The following BTBD8 variants were observed in gnomAD, a reference collection of about 807,000 sequenced individuals.
BTBD8 encodes the protein BTB/POZ domain-containing protein 8.
A neutral mutation model predicts 162.9 loss-of-function variants in BTBD8; 110 were observed. The observed-to-expected ratio is 0.68, with a 90% confidence interval of 0.58 to 0.79. The LOEUF (loss-of-function observed/expected upper bound fraction) is 0.79, where lower values mean the gene tolerates loss of function less well. BTBD8 is among the 30% of genes least tolerant of loss of function. The pLI, the probability that BTBD8 is intolerant of heterozygous loss-of-function variation, is 0.00. For missense variants in BTBD8, 1,905 were observed against 2,085.4 expected (o/e 0.91, Z 1.68); for synonymous variants, 667 against 716.1 (o/e 0.93, Z 1.10).
chr1:92,138,511 G>A (rs1262398680), intron 5 of BTBD8, among the ~76,000 whole-genome samples: 1 of 152,214 alleles, frequency 6.6e-6, no homozygotes, highest in Non-Finnish European at 1.5e-5. Flanking sequence ...CAGCTCACCT[G>A]AGAGAAAGTT....
intron 4 of BTBD8, among the ~76,000 whole-genome samples, chr1:92,120,349 G>C (rs528274025): frequency 6.6e-6 from 1 of 152,228 alleles, no homozygotes; most frequent in South Asian, 2.1e-4. Flanking sequence ...GAAGGTCTTC[G>C]GGGCAGTAAC....
In BTBD8 at chr1:92,180,626, T is replaced by A. The variant is rs1650857365; in HGVS notation, c.2943T>A (p.Ser981Arg). The change falls in exon 17 of 18, where the codon AGT becomes AGA. Residue 981 changes from serine to arginine, a missense_variant. Around this residue, in one of 3 missense-constraint regions of BTBD8, gnomAD observed 1,374 missense variants for 1,442.7 expected, o/e 0.95. Coordinates refer to ENST00000636805, the MANE Select transcript of BTBD8 (RefSeq NM_001376131.1). ...TGCGTGATAATAACAACAAGGACAG[T>A]GTTTCTGAACAGAAGCCTCACAAAC... ...HDVRDNNNKD[S>R]VSEQKPHKPL... is the part of the protein sequence containing the mutation. 2 of 1,551,242 alleles carry A rather than the reference T, an allele frequency of 1.3e-6. No homozygotes were observed. Among genetic ancestry groups the A allele is most frequent in the South Asian group, 2.4e-5 (2 of 83,894 alleles).
At chr1:92,149,666 G>A (rs904229903) in intron 9 of BTBD8, among the ~76,000 whole-genome samples, 1 of 152,192 alleles carries the variant, frequency 6.6e-6, no homozygotes, top group African/African-American at 2.4e-5. Flanking sequence ...TTTTACACTA[G>A]GAAGGCTGGA....
At chr1:92,111,590 A>G (rs1303460772) in intron 4 of BTBD8, among the ~76,000 whole-genome samples, 2 of 152,128 alleles carry the variant, frequency 1.3e-5, no homozygotes, top group Non-Finnish European at 2.9e-5. Flanking sequence ...AAATTCCACC[A>G]CTTATTAATT....
rs118167570 is a variant in BTBD8 at position 92,152,062 on chromosome 1, G to T, written c.1122+4276G>T. Among the ~76,000 whole-genome samples the T allele has an allele frequency of 2.5e-4, 38 of 152,208 alleles. No homozygotes were observed. In the East Asian group the frequency reaches 7.1e-3, roughly 29 times the overall value. On this transcript the variant is annotated intron_variant, in intron 9 of 17. Coordinates refer to ENST00000636805, the MANE Select transcript of BTBD8 (RefSeq NM_001376131.1). ...TCACATATGAGAAAAGAGAATCAAA[G>T]AGTTAAGTGCCCTGTTCAAGTTCCC...
At chr1:92,119,390 A>G (rs556237888) in intron 4 of BTBD8, among the ~76,000 whole-genome samples, 2 of 147,008 alleles carry the variant, frequency 1.4e-5, no homozygotes, top group Non-Finnish European at 3.0e-5. Flanking sequence ...AGCTCCAGTG[A>G]TCCTCCCACC....
intron 9 of BTBD8, among the ~76,000 whole-genome samples, chr1:92,162,268 A>G (rs912643400): frequency 1.1e-4 from 17 of 152,214 alleles, no homozygotes; most frequent in African/African-American, 4.1e-4. Context: ...CTGAGGCTTC[A>G]CTGCTACACC....
chr1:92,137,964 G>A (rs532239896), intron 5 of BTBD8, among the ~76,000 whole-genome samples: 5 of 152,250 alleles, frequency 3.3e-5, no homozygotes, highest in African/African-American at 9.6e-5. Flanking sequence ...GAGAGGTTGG[G>A]GGTTTTACTT....
chr1:92,101,907 A>T (rs1475925987), intron 2 of BTBD8, among the ~76,000 whole-genome samples: 1 of 152,154 alleles, frequency 6.6e-6, no homozygotes, highest in Non-Finnish European at 1.5e-5. Context: ...TATGTTGCCC[A>T]GGTTGCTCTT....
intron 4 of BTBD8, among the ~76,000 whole-genome samples, chr1:92,129,425 G>C (rs1158286861): frequency 6.6e-6 from 1 of 151,912 alleles, no homozygotes; most frequent in Admixed American, 6.6e-5. Context: ...GTTCAGGGCT[G>C]TAGTAAGCTA....
At chr1:92,127,017 T>C (rs760403192) in intron 4 of BTBD8, among the ~76,000 whole-genome samples, 28 of 152,194 alleles carry the variant, frequency 1.8e-4, no homozygotes, top group Non-Finnish European at 3.2e-4. Flanking sequence ...TCTTAAATTA[T>C]CAGTGGGTAT....
chr1:92,180,623 C>T lies in BTBD8; in HGVS notation c.2940C>T (p.Asp980=), dbSNP rs994878468. ...FHDVRDNNNK[D]SVSEQKPHKP... ...ATGTGCGTGATAATAACAACAAGGACAGTGTTTCTGAACAGAAGCCTCACA... is the reference window on the plus strand; with the variant it reads ...ATGTGCGTGATAATAACAACAAGGATAGTGTTTCTGAACAGAAGCCTCACA... The change falls in exon 17 of 18, where the codon GAC becomes GAT. Residue 980 remains aspartate, a synonymous_variant. Coordinates refer to ENST00000636805, the MANE Select transcript of BTBD8 (RefSeq NM_001376131.1). 6.4e-7 allele frequency: 1 copy of T among 1,551,156 alleles called. No homozygotes were observed.
At chr1:92,151,888 A>G (rs747651900) in intron 9 of BTBD8, among the ~76,000 whole-genome samples, 21 of 152,252 alleles carry the variant, frequency 1.4e-4, no homozygotes, top group Admixed American at 5.2e-4. Context: ...ATTCCTTTTT[A>G]TGGCTCAGTA....
chr1:92,093,066 T>C (rs529135), intron 2 of BTBD8, among the ~76,000 whole-genome samples: 108,134 of 152,078 alleles, frequency 0.71, 39,032 homozygotes, highest in East Asian at 0.97. Context: ...CTTGGCTACC[T>C]GTGTTCATTA....
chr1:92,081,817 G>A (rs1648024641), intron 1 of BTBD8, among the ~76,000 whole-genome samples: 1 of 152,068 alleles, frequency 6.6e-6, no homozygotes, highest in South Asian at 2.1e-4. Flanking sequence ...CAAGTGATCC[G>A]CCCGCCTCGG....
chr1:92,184,378 C>T lies in BTBD8; in HGVS notation c.*48C>T, dbSNP rs1315807367. 8.7e-7 allele frequency: 1 copy of T among 1,143,522 alleles called. No individual in the cohort carries two copies. Among genetic ancestry groups the T allele is most frequent in the East Asian group, 2.6e-5 (1 of 38,828 alleles). 70.8% of individuals were successfully genotyped at this position (1,143,522 alleles called of 1,614,324 possible). On this transcript the variant is annotated 3_prime_UTR_variant, in exon 18 of 18. Coordinates refer to ENST00000636805, the MANE Select transcript of BTBD8 (RefSeq NM_001376131.1). ...TATGCCACTCCTTTATTTTTTGATG[C>T]CTATATTATATCCAAATGATAATTG...
chr1:92,105,303 A>G (rs1648698646), intron 3 of BTBD8, among the ~76,000 whole-genome samples: 1 of 151,606 alleles, frequency 6.6e-6, no homozygotes, highest in South Asian at 2.1e-4. Context: ...CCCAGGCAGG[A>G]GTACAGTGTC....
At position 92,102,633 on chromosome 1, in the gene BTBD8, G is replaced by T. The variant is rs760067413; in HGVS notation, c.508G>T (p.Asp170Tyr). 6.6e-7 allele frequency: 1 copy of T among 1,520,248 alleles called. No individual in the cohort carries two copies. The highest frequency in any genetic ancestry group is 8.8e-7 in the Non-Finnish European group (1 of 1,134,246). 94.2% of individuals were successfully genotyped at this position (1,520,248 alleles called of 1,614,324 possible). Reference protein sequence around the residue: ...CSLQKHEIPEDISDRDDDFIS... With the variant: ...CSLQKHEIPEYISDRDDDFIS... The stretch of plus-strand genomic sequence containing the variant: ...TCTTCAGAAGCATGAAATTCCAGAG[G>T]ATATCAGTGACAGAGATGATGATTT... Residue 170 changes from aspartate (D) to tyrosine (Y), a missense_variant, in exon 3 of 18, where the codon GAT becomes TAT. Around this residue, in one of 3 missense-constraint regions of BTBD8, gnomAD observed 1,374 missense variants for 1,442.7 expected, o/e 0.95. Coordinates refer to ENST00000636805, the MANE Select transcript of BTBD8 (RefSeq NM_001376131.1).
At chr1:92,103,717 G>A (rs769379763) in intron 3 of BTBD8, among the ~76,000 whole-genome samples, 5 of 152,170 alleles carry the variant, frequency 3.3e-5, no homozygotes, top group Non-Finnish European at 7.3e-5. Context: ...GGAGGAGAAG[G>A]TAGTTTCCTT....
Sources: allele counts gnomAD v4.1 joint callset (sites outside exome capture counted in the v4.1 genomes callset), GRCh38; gene constraint gnomAD v4.1.1; regional missense constraint gnomAD v4.1.1; transcripts MANE v1.5; gene names NCBI Gene and HGNC (gene_info 2026-07-23, HGNC 2026-07-21).